The following CARD8 variants were observed in gnomAD, a reference collection of about 807,000 sequenced individuals.
CARD8 encodes the protein caspase recruitment domain-containing protein 8.
A neutral mutation model predicts 53.2 loss-of-function variants in CARD8; 38 were observed. The ratio of observed to expected loss-of-function variants is 0.71; its 90% confidence interval spans 0.55 to 0.94. The LOEUF (loss-of-function observed/expected upper bound fraction) is 0.94. Among genes scored for constraint, CARD8 ranks in the 40% least tolerant of loss-of-function variants. CARD8 has a pLI of 0.00. For synonymous variants in CARD8, 245 were observed against 244.9 expected (o/e 1.00, Z 0.00); for missense variants, 561 against 655.5 (o/e 0.86, Z 1.57).
intron 5 of CARD8, among the ~76,000 whole-genome samples, chr19:48,237,398 C>G (rs187399244): frequency 6.6e-6 from 1 of 152,002 alleles, no homozygotes; most frequent in Admixed American, 6.6e-5. Context: ...GGATATGCCC[C>G]CTTGATCCAT....
chr19:48,229,368 G>A (rs756823258), intron 10 of CARD8, among the ~76,000 whole-genome samples: 11 of 152,168 alleles, frequency 7.2e-5, no homozygotes, highest in Non-Finnish European at 1.3e-4. Flanking sequence ...GGAAAAGGGT[G>A]GGCTCAGAAT....
rs749260047 is a variant in CARD8 at position 48,211,784 on chromosome 19, G to A, written c.1540C>T (p.Leu514=). 1.1e-5 allele frequency: 17 copies of A among 1,614,016 alleles called. No homozygotes were observed. The East Asian group carries it at 2.0e-4, about 19-fold the overall frequency. The change falls in exon 14 of 14, where the codon CTG becomes TTG. Residue 514 remains leucine (L), a synonymous_variant. Coordinates refer to ENST00000651546, the MANE Select transcript of CARD8 (RefSeq NM_001184900.3). ...SMVEKKGDLA[L]DVLFRSISER... is the part of the protein sequence containing the mutation. Reference sequence around the variant, plus strand: ...CTAATGCTTCTGAAGAGCACGTCCAGGGCCAGGTCCCCTTTCTTCTCCACC... The same window carrying A: ...CTAATGCTTCTGAAGAGCACGTCCAAGGCCAGGTCCCCTTTCTTCTCCACC...
chr19:48,232,425 T>A (rs879515600), intron 7 of CARD8, 28 bp downstream of exon 7: 3 of 1,526,346 alleles, frequency 2.0e-6, no homozygotes, highest in Non-Finnish European at 2.6e-6. Flanking sequence ...CCACACGCCC[T>A]TCACTCCTCT....
rs145567564 is a variant in CARD8, at chr19:48,255,034, G to A, written c.-252+758C>T. On this transcript the variant is annotated intron_variant, in intron 1 of 13. Coordinates refer to ENST00000651546, the MANE Select transcript of CARD8 (RefSeq NM_001184900.3). Reference sequence around the variant, plus strand: ...CCTGAATATACACATAGTTTAATACGGCATGTCTATTCCCAATTGCAATGC... The same window carrying A: ...CCTGAATATACACATAGTTTAATACAGCATGTCTATTCCCAATTGCAATGC... 5.6e-3 allele frequency among the ~76,000 whole-genome samples: 848 copies of A among 152,140 alleles called. 1 individual carries two copies. Among genetic ancestry groups the A allele is most frequent in the African/African-American group, 0.014 (570 of 41,496 alleles).
chr19:48,251,273 T>C (rs993446217), intron 1 of CARD8, among the ~76,000 whole-genome samples: 5 of 152,220 alleles, frequency 3.3e-5, no homozygotes, highest in African/African-American at 1.2e-4. Context: ...TCGAATTAAG[T>C]GAGATGAAAG....
At chr19:48,253,830 T>C (rs954374087) in intron 1 of CARD8, among the ~76,000 whole-genome samples, 3 of 152,194 alleles carry the variant, frequency 2.0e-5, no homozygotes, top group Non-Finnish European at 4.4e-5. Flanking sequence ...TCCACTCTTG[T>C]GGGAAATCTG....
At chr19:48,253,197 G>A (rs538799913) in intron 1 of CARD8, among the ~76,000 whole-genome samples, 1 of 152,224 alleles carries the variant, frequency 6.6e-6, no homozygotes, top group East Asian at 1.9e-4. Context: ...TGAGAGTACA[G>A]GTGCAGGGAG....
chr19:48,237,194 C>T (rs754821469), intron 5 of CARD8, among the ~76,000 whole-genome samples: 88 of 151,838 alleles, frequency 5.8e-4, no homozygotes, highest in Non-Finnish European at 1.1e-3. Context: ...CCAGCTTCTG[C>T]TTGGTTTCTG....
At position 48,219,906 on chromosome 19, in the gene CARD8, G is replaced by C. The variant is rs763198742; in HGVS notation, c.1162-894C>G. Among the ~76,000 whole-genome samples, 156 of 152,116 alleles carry C rather than the reference G, an allele frequency of 1.0e-3. 2 individuals are homozygous for C. Among genetic ancestry groups the C allele is most frequent in the Non-Finnish European group, 2.6e-4 (18 of 68,018 alleles). On this transcript the variant is annotated intron_variant, in intron 11 of 13. Transcript: ENST00000651546. The stretch of plus-strand genomic sequence containing the variant: ...GAATCGCTTGAACCCAGGGAAAGAA[G>C]GTTGCAGTGAGCAGACATTGCGCCA...
intron 4 of CARD8, among the ~76,000 whole-genome samples, chr19:48,240,042 C>G (rs73578865): frequency 6.6e-6 from 1 of 152,178 alleles, no homozygotes; most frequent in African/African-American, 2.4e-5. Flanking sequence ...CATCTCCTAA[C>G]AACATCACAT....
chr19:48,225,423 A>T (rs181534243), intron 10 of CARD8, among the ~76,000 whole-genome samples: 1 of 152,198 alleles, frequency 6.6e-6, no homozygotes, highest in East Asian at 2.0e-4. Flanking sequence ...CCCGGTAGGC[A>T]GAGGTTGCAG....
At position 48,225,208 on chromosome 19, in the gene CARD8, C is replaced by T. The variant is rs146772053; in HGVS notation, c.1036-3353G>A. Reference sequence around the variant, plus strand: ...ACAGTGATCAAGAACAATGGGAGAACTGGAGGGCACGGTGGCTCACACCTG... The same window carrying T: ...ACAGTGATCAAGAACAATGGGAGAATTGGAGGGCACGGTGGCTCACACCTG... On this transcript the variant is annotated intron_variant, in intron 10 of 13. Coordinates refer to ENST00000651546, the MANE Select transcript of CARD8 (RefSeq NM_001184900.3). Among the ~76,000 whole-genome samples, 553 of 152,036 alleles carry T rather than the reference C, an allele frequency of 3.6e-3. 6 individuals are homozygous for T. The highest frequency in any genetic ancestry group is 0.014 in the Middle Eastern group (4 of 292).
intron 3 of CARD8, among the ~76,000 whole-genome samples, chr19:48,243,685 AT>A (rs1326254414): frequency 4.6e-5 from 7 of 152,066 alleles, no homozygotes; most frequent in Admixed American, 2.6e-4. Flanking sequence ...ACCATTATAT[AT>A]TTAATTTTTT....
Position 48,226,518 on chromosome 19 carries a change from C to G in CARD8, c.1035+3920G>C, listed in dbSNP as rs569206881. On this transcript the variant is annotated intron_variant, in intron 10 of 13. Transcript: ENST00000651546. Reference sequence around the variant, plus strand: ...GAGATTATAGGCATGAGCCACCATGCCCAGCCCCATCATTTATTTTAGGTT... The same window carrying G: ...GAGATTATAGGCATGAGCCACCATGGCCAGCCCCATCATTTATTTTAGGTT... Among the ~76,000 whole-genome samples, 8 of 152,270 alleles carry G rather than the reference C, an allele frequency of 5.3e-5. 1 individual carries two copies. Among genetic ancestry groups the G allele is most frequent in the African/African-American group, 1.9e-4 (8 of 41,560 alleles).
chr19:48,242,110 C>T (rs2146727627), intron 3 of CARD8, among the ~76,000 whole-genome samples: 1 of 152,274 alleles, frequency 6.6e-6, no homozygotes, highest in East Asian at 1.9e-4. Context: ...TATGTGTCCA[C>T]CCTCAAGTTC....
In CARD8 at chr19:48,210,527, A is replaced by G. The variant is rs1600009700; in HGVS notation, c.*1183T>C. The G allele has an allele frequency of 6.6e-6, 1 of 151,530 alleles. No individual in the cohort carries two copies. Among genetic ancestry groups the G allele is most frequent in the East Asian group, 1.9e-4 (1 of 5,190 alleles). The allele number at this position is 151,530 out of a possible 1,614,324, so 9.4% of individuals were successfully genotyped here. ...AATTTATTGATGGGTTTTAAGATAC[A>G]GAAAGATTATGTAGAAGATAACTAT... On this transcript the variant is annotated 3_prime_UTR_variant, in exon 14 of 14. Transcript: ENST00000651546.
intron 1 of CARD8, among the ~76,000 whole-genome samples, chr19:48,254,258 G>C (rs1331569960): frequency 1.3e-5 from 2 of 152,028 alleles, no homozygotes; most frequent in Non-Finnish European, 2.9e-5. Flanking sequence ...AACTAACTAA[G>C]TAATCAATAA....
rs562776114 is a variant in CARD8, at chr19:48,229,850, C to T, written c.1035+588G>A. ...GTGAGAGGCCAGGGGTGGTGGCTCACGCCTGTAATCCCAACACTTCGGGAG... is the reference window on the plus strand; with the variant it reads ...GTGAGAGGCCAGGGGTGGTGGCTCATGCCTGTAATCCCAACACTTCGGGAG... On this transcript the variant is annotated intron_variant, in intron 10 of 13. Coordinates refer to ENST00000651546, the MANE Select transcript of CARD8 (RefSeq NM_001184900.3). 4.6e-5 allele frequency among the ~76,000 whole-genome samples: 7 copies of T among 152,242 alleles called. No homozygotes were observed. The South Asian group carries it at 1.0e-3, about 23-fold the overall frequency.
chr19:48,248,203 G>A (rs1176527716), intron 3 of CARD8, among the ~76,000 whole-genome samples: 1 of 152,094 alleles, frequency 6.6e-6, no homozygotes, highest in Non-Finnish European at 1.5e-5. Flanking sequence ...TAAAAAACAT[G>A]TAATAAAAAT....
Sources: gnomAD v4.1 joint callset for allele counts (sites outside exome capture counted in the v4.1 genomes callset) on GRCh38, gnomAD v4.1.1 for gene constraint, MANE v1.5 for transcripts, NCBI Gene and HGNC (gene_info 2026-07-23, HGNC 2026-07-21) for gene names.